THSD7B: variants seen among roughly 807,000 people sequenced by gnomAD.
The protein encoded by THSD7B is thrombospondin type 1 domain containing 7B.
A neutral mutation model predicts 213.6 loss-of-function variants in THSD7B; 138 were observed. That is an observed-to-expected ratio of 0.65 (90% CI 0.56 to 0.74). THSD7B has a LOEUF of 0.74. Ranked by LOEUF, THSD7B falls within the 30% of genes least tolerant of loss-of-function variation. The probability of loss-of-function intolerance (pLI) is 0.00; values close to 1 mark genes in which losing one functional copy is unlikely to be tolerated. For synonymous variants in THSD7B, 742 were observed against 687.0 expected (o/e 1.08, Z -1.25); for missense variants, 1,931 against 1,991.5 (o/e 0.97, Z 0.58).
intron 1 of THSD7B, among the ~76,000 whole-genome samples, chr2:136,872,549 TTTC>T (rs1683448503): frequency 6.6e-6 from 1 of 151,844 alleles, no homozygotes; most frequent in African/African-American, 2.4e-5. Context: ...CTCTTTTTCT[TTTC>T]TTTTCCTTTT....
At chr2:136,852,734 T>G (rs1321976329) in intron 1 of THSD7B, among the ~76,000 whole-genome samples, 2 of 152,232 alleles carry the variant, frequency 1.3e-5, no homozygotes, top group Admixed American at 6.5e-5. Flanking sequence ...TATTTTCATT[T>G]TATAACTAAA....
chr2:137,055,459 C>A (rs1275397999), intron 2 of THSD7B, among the ~76,000 whole-genome samples: 2 of 151,912 alleles, frequency 1.3e-5, no homozygotes, highest in Non-Finnish European at 2.9e-5. Flanking sequence ...CTATTTTTTT[C>A]ATTGTTGTTG....
intron 2 of THSD7B, among the ~76,000 whole-genome samples, chr2:136,974,589 C>T (rs554679476): frequency 6.6e-6 from 1 of 152,220 alleles, no homozygotes; most frequent in South Asian, 2.1e-4. Flanking sequence ...TTTCATTATC[C>T]AGACTATCAT....
chr2:137,107,625 T>C (rs1256416904), intron 4 of THSD7B, among the ~76,000 whole-genome samples: 2 of 152,222 alleles, frequency 1.3e-5, no homozygotes, highest in Non-Finnish European at 2.9e-5. Flanking sequence ...TCTGGAATTG[T>C]TTCAATAGAA....
intron 1 of THSD7B, among the ~76,000 whole-genome samples, chr2:136,767,157 T>C (rs1681414148): frequency 6.6e-6 from 1 of 152,182 alleles, no homozygotes. Flanking sequence ...CTTTTTGTGC[T>C]CTTGACTGTC....
At chr2:137,628,846 C>G (rs1016882384) in intron 20 of THSD7B, among the ~76,000 whole-genome samples, 1 of 152,204 alleles carries the variant, frequency 6.6e-6, no homozygotes, top group Non-Finnish European at 1.5e-5. Flanking sequence ...ACTGCCCTGC[C>G]AGCTCTGTCA....
At chr2:137,135,085 A>C (rs577997951) in intron 5 of THSD7B, among the ~76,000 whole-genome samples, 2 of 152,300 alleles carry the variant, frequency 1.3e-5, no homozygotes, top group Non-Finnish European at 2.9e-5. Flanking sequence ...TAGTAAACAT[A>C]TAATGCTTAG....
chr2:137,444,166 C>G (rs1573628998), intron 14 of THSD7B, among the ~76,000 whole-genome samples: 1 of 152,086 alleles, frequency 6.6e-6, no homozygotes, highest in African/African-American at 2.4e-5. Context: ...GAGACCTAAA[C>G]AAGGTTGGAA....
chr2:137,270,144 G>C (rs369666029), intron 10 of THSD7B, among the ~76,000 whole-genome samples: 23 of 146,086 alleles, frequency 1.6e-4, no homozygotes, highest in African/African-American at 5.9e-4. Context: ...TTTTGTTAGA[G>C]ATAGGGAGAC....
intron 2 of THSD7B, among the ~76,000 whole-genome samples, chr2:136,983,342 C>CACAG (rs1553462366): frequency 3.3e-4 from 43 of 128,446 alleles, no homozygotes; most frequent in African/African-American, 1.3e-3. Context: ...AACACACACA[C>CACAG]ACACACAGAC....
intron 2 of THSD7B, among the ~76,000 whole-genome samples, chr2:137,044,177 C>T (rs1240450219): frequency 1.3e-5 from 2 of 152,164 alleles, no homozygotes; most frequent in Non-Finnish European, 2.9e-5. Flanking sequence ...CTCACTTCTT[C>T]TTAGATCTAT....
At chr2:137,311,711 A>G (rs1234463571) in intron 12 of THSD7B, among the ~76,000 whole-genome samples, 1 of 151,726 alleles carries the variant, frequency 6.6e-6, no homozygotes, top group African/African-American at 2.4e-5. Flanking sequence ...AGTTTTTAGC[A>G]TGAAGGGTTG....
intron 4 of THSD7B, among the ~76,000 whole-genome samples, chr2:137,099,113 G>A (rs1688097587): frequency 6.6e-6 from 1 of 152,036 alleles, no homozygotes; most frequent in African/African-American, 2.4e-5. Context: ...GTATACTATG[G>A]GTAGGGAATG....
At chr2:137,516,377 G>T (rs1313189817) in intron 15 of THSD7B, among the ~76,000 whole-genome samples, 1 of 152,102 alleles carries the variant, frequency 6.6e-6, no homozygotes, top group African/African-American at 2.4e-5. Flanking sequence ...GAGAGACCAG[G>T]TCCCCTTGAC....
intron 1 of THSD7B, among the ~76,000 whole-genome samples, chr2:136,853,030 G>A (rs1573669915): frequency 6.6e-6 from 1 of 151,786 alleles, no homozygotes; most frequent in Admixed American, 6.6e-5. Context: ...GCATGTGTGT[G>A]TGTGTGCATG....
intron 1 of THSD7B, among the ~76,000 whole-genome samples, chr2:136,827,574 G>T (rs1682668702): frequency 6.6e-6 from 1 of 152,164 alleles, no homozygotes; most frequent in Non-Finnish European, 1.5e-5. Context: ...GGGGTGATGA[G>T]GGGCAGAAAG....
chr2:136,771,889 A>C (rs962811230), intron 1 of THSD7B, among the ~76,000 whole-genome samples: 6 of 152,260 alleles, frequency 3.9e-5, no homozygotes, highest in Non-Finnish European at 8.8e-5. Flanking sequence ...GGTAAGGCTT[A>C]CCAATATCCA....
At chr2:137,012,885 T>A (rs1239904118) in intron 2 of THSD7B, among the ~76,000 whole-genome samples, 1 of 152,236 alleles carries the variant, frequency 6.6e-6, no homozygotes, top group African/African-American at 2.4e-5. Flanking sequence ...TTTCCAAATA[T>A]GTCTCTGGAC....
chr2:136,943,278 T>C (rs1339610874), intron 2 of THSD7B, among the ~76,000 whole-genome samples: 1 of 152,190 alleles, frequency 6.6e-6, no homozygotes, highest in Admixed American at 6.5e-5. Flanking sequence ...TGGATTCAGT[T>C]TGCCAGTATT....
Sources: allele counts gnomAD v4.1 joint callset (sites outside exome capture counted in the v4.1 genomes callset), GRCh38; gene constraint gnomAD v4.1.1; transcripts MANE v1.5; gene names NCBI Gene and HGNC (gene_info 2026-07-23, HGNC 2026-07-21).